Variants in TMEM108 observed in about 807,000 individuals in gnomAD.
The protein encoded by TMEM108 is cancer/testis antigen 124.
TMEM108 carries 12 observed loss-of-function variants against 35.1 expected under a neutral mutation model. That is an observed-to-expected ratio of 0.34 (90% CI 0.22 to 0.55). The LOEUF (loss-of-function observed/expected upper bound fraction) is 0.55. Among genes scored for constraint, TMEM108 ranks in the 20% least tolerant of loss-of-function variants. The probability of loss-of-function intolerance (pLI) is 0.89; values close to 1 mark genes in which losing one functional copy is unlikely to be tolerated. For missense variants in TMEM108, 680 were observed against 753.3 expected, an observed-to-expected ratio of 0.90 and a Z score of 1.14; for synonymous variants, 287 against 308.6, an observed-to-expected ratio of 0.93 and a Z score of 0.73.
chr3:133,390,693 C>A (rs1333186753), intron 5 of TMEM108, among the ~76,000 whole-genome samples: 2 of 152,006 alleles, frequency 1.3e-5, no homozygotes, highest in Non-Finnish European at 2.9e-5. Flanking sequence ...TGAGATGTGG[C>A]TGGAGGACAA....
chr3:133,080,938 C>G (rs1943802002), intron 2 of TMEM108, among the ~76,000 whole-genome samples: 1 of 152,168 alleles, frequency 6.6e-6, no homozygotes, highest in Non-Finnish European at 1.5e-5. Flanking sequence ...TAAAGCTTCT[C>G]CTCTGGGTGG....
chr3:133,127,419 T>C (rs1424256141), intron 2 of TMEM108, among the ~76,000 whole-genome samples: 4 of 152,188 alleles, frequency 2.6e-5, no homozygotes, highest in African/African-American at 9.7e-5. Context: ...GGAAGACCTG[T>C]GTGAGAACTC....
intron 3 of TMEM108, among the ~76,000 whole-genome samples, chr3:133,235,520 A>C (rs9855734): frequency 0.2 from 30,891 of 152,054 alleles, 3,654 homozygotes; most frequent in Middle Eastern, 0.32. Context: ...ACCACTTTCT[A>C]GGTGACTTAC....
chr3:133,108,819 A>C (rs1944190634), intron 2 of TMEM108, among the ~76,000 whole-genome samples: 1 of 132,430 alleles, frequency 7.6e-6, no homozygotes. Flanking sequence ...GGGGAACATC[A>C]CACTCCGGGG....
rs577717298 is a variant in TMEM108 at position 133,208,752 on chromosome 3, C to T, written c.-46-20514C>T. 3.3e-4 allele frequency among the ~76,000 whole-genome samples: 50 copies of T among 151,852 alleles called. No homozygotes were observed. The South Asian group carries it at 7.3e-3, about 22-fold the overall frequency. On this transcript the variant is annotated intron_variant, in intron 2 of 5. Coordinates refer to ENST00000321871, the MANE Select transcript of TMEM108 (RefSeq NM_023943.4). Reference sequence around the variant, plus strand: ...GCTTTTACAGCAGCCAGTGGTAGATCTCCTGTTGTTTAATGTACTCATTCT... The same window carrying T: ...GCTTTTACAGCAGCCAGTGGTAGATTTCCTGTTGTTTAATGTACTCATTCT...
At chr3:133,264,253 T>G (rs556793262) in intron 3 of TMEM108, among the ~76,000 whole-genome samples, 113 of 152,194 alleles carry the variant, frequency 7.4e-4, no homozygotes, top group African/African-American at 2.5e-3. Context: ...TGCAGTGAAC[T>G]ATAATTGTGC....
intron 2 of TMEM108, among the ~76,000 whole-genome samples, chr3:133,073,592 G>T: frequency 7.0e-6 from 1 of 142,116 alleles, no homozygotes; most frequent in East Asian, 2.0e-4. Flanking sequence ...CTCATATCTT[G>T]GCTATTGTGA....
chr3:133,358,152 A>G (rs1248403382), intron 3 of TMEM108, among the ~76,000 whole-genome samples: 1 of 142,978 alleles, frequency 7.0e-6, no homozygotes, highest in Non-Finnish European at 1.5e-5. Context: ...GAAGGAAGCT[A>G]TTAAGGAGTC....
intron 3 of TMEM108, among the ~76,000 whole-genome samples, chr3:133,349,568 A>G (rs2071928094): frequency 6.6e-6 from 1 of 150,946 alleles, no homozygotes; most frequent in South Asian, 2.1e-4. Context: ...GTTAATATCC[A>G]GACTATATAA....
chr3:133,107,989 T>G (rs1944177281), intron 2 of TMEM108, among the ~76,000 whole-genome samples: 1 of 152,132 alleles, frequency 6.6e-6, no homozygotes, highest in Non-Finnish European at 1.5e-5. Context: ...CCCAGCACTT[T>G]GGGAGGCCAA....
At chr3:133,343,860 C>T (rs936143374) in intron 3 of TMEM108, among the ~76,000 whole-genome samples, 1 of 151,742 alleles carries the variant, frequency 6.6e-6, no homozygotes, top group African/African-American at 2.4e-5. Context: ...TTTGAGAGTC[C>T]AGGGTTGGAC....
intron 2 of TMEM108, among the ~76,000 whole-genome samples, chr3:133,212,916 TGA>T (rs1329919473): frequency 7.6e-6 from 1 of 131,612 alleles, no homozygotes; most frequent in African/African-American, 2.8e-5. Context: ...AGAAAGAAAA[TGA>T]GAGAGAACAA....
chr3:133,177,736 C>A lies in TMEM108; in HGVS notation c.-46-51530C>A, dbSNP rs932421657. Among the ~76,000 whole-genome samples the A allele has an allele frequency of 6.5e-4, 99 of 152,114 alleles. 1 individual carries two copies. The highest frequency in any genetic ancestry group is 1.1e-3 in the Non-Finnish European group (76 of 68,028). The stretch of plus-strand genomic sequence containing the variant: ...GAATGGGCAAAAACTGGAAGCATTC[C>A]CTTTGAAAACTGGCACAAGATAGGG... On this transcript the variant is annotated intron_variant, in intron 2 of 5. Coordinates refer to ENST00000321871, the MANE Select transcript of TMEM108 (RefSeq NM_023943.4).
chr3:133,151,854 G>A (rs918560953), intron 2 of TMEM108, among the ~76,000 whole-genome samples: 6 of 152,106 alleles, frequency 3.9e-5, no homozygotes, highest in African/African-American at 9.7e-5. Flanking sequence ...ACATTTCACA[G>A]CACCTCCGTA....
chr3:133,042,190 G>C (rs140818708), intron 1 of TMEM108, among the ~76,000 whole-genome samples: 2 of 152,224 alleles, frequency 1.3e-5, no homozygotes, highest in Non-Finnish European at 2.9e-5. Context: ...TGTATAATGA[G>C]GGCCCCGGCT....
intron 3 of TMEM108, chr3:133,246,527 A>T (rs751252253): frequency 6.6e-6 from 1 of 152,266 alleles, no homozygotes; most frequent in East Asian, 1.9e-4. Flanking sequence ...CACAGAGCAT[A>T]TAGTCCAAAA....
At chr3:133,390,463 C>A in intron 5 of TMEM108, 129 bp downstream of exon 5, 1 of 1,064,388 alleles carries the variant, frequency 9.4e-7, no homozygotes, top group Non-Finnish European at 1.4e-6. Flanking sequence ...ATCAATAACA[C>A]CCAAGAGGTT....
chr3:133,085,930 T>C (rs753401850), intron 2 of TMEM108, among the ~76,000 whole-genome samples: 3 of 152,182 alleles, frequency 2.0e-5, no homozygotes, highest in Non-Finnish European at 4.4e-5. Flanking sequence ...ATTTTGGAAA[T>C]GGAATCTATA....
intron 2 of TMEM108, among the ~76,000 whole-genome samples, chr3:133,145,629 C>G (rs979602975): frequency 7.2e-5 from 11 of 152,140 alleles, no homozygotes; most frequent in Non-Finnish European, 1.5e-4. Context: ...TTTGTGTCTG[C>G]TCTTATTTCG....
Sources: allele counts gnomAD v4.1 joint callset (sites outside exome capture counted in the v4.1 genomes callset), GRCh38; gene constraint gnomAD v4.1.1; transcripts MANE v1.5; gene names NCBI Gene and HGNC (gene_info 2026-07-23, HGNC 2026-07-21).